PAK3: variants seen among roughly 807,000 people sequenced by gnomAD.
The protein encoded by PAK3 is serine/threonine-protein kinase PAK 3.
A neutral mutation model predicts 41.0 loss-of-function variants in PAK3; 4 were observed. The ratio of observed to expected loss-of-function variants is 0.10; its 90% CI spans 0.05 to 0.22. The LOEUF is 0.22. PAK3 is among the 10% of genes least tolerant of loss of function. The pLI, the probability that PAK3 is intolerant of heterozygous loss-of-function variation, is 1.00. For synonymous variants in PAK3, 146 were observed against 139.6 expected (o/e 1.05, Z -0.32); for missense variants, 205 against 409.9 (o/e 0.50, Z 4.32).
intron 1 of PAK3, among the ~76,000 whole-genome samples, chrX:111,064,471 C>T (rs1235384438): frequency 1.9e-5 from 2 of 103,130 alleles, no homozygotes; most frequent in Non-Finnish European, 4.0e-5. Context: ...CTAGTAGTCC[C>T]TAGTGTCTAT....
chrX:111,155,155 G>A (rs1291718723), intron 8 of PAK3, among the ~76,000 whole-genome samples: 2 of 111,240 alleles, frequency 1.8e-5, no homozygotes. Context: ...TAGGAAGTTT[G>A]GATATCAGGC....
chrX:111,117,280 G>T lies in PAK3; in HGVS notation c.-27-5797G>T, dbSNP rs186159167. On this transcript the variant is annotated intron_variant, in intron 4 of 17. Coordinates refer to ENST00000372007, the MANE Select transcript of PAK3 (RefSeq NM_002578.5). ...TGTATATATGAAGAGTGTGTTTGTGGGTTTACTTGGATATGCGTTGTATTG... is the reference window on the plus strand; with the variant it reads ...TGTATATATGAAGAGTGTGTTTGTGTGTTTACTTGGATATGCGTTGTATTG... Among the ~76,000 whole-genome samples the T allele has an allele frequency of 1.6e-3, 175 of 111,864 alleles. 1 individual carries two copies. The highest frequency in any genetic ancestry group is 2.6e-3 in the Non-Finnish European group (139 of 53,120).
chrX:111,150,590 G>C (rs1055156585), intron 7 of PAK3, among the ~76,000 whole-genome samples: 13 of 111,420 alleles, frequency 1.2e-4, no homozygotes, highest in African/African-American at 4.2e-4. Context: ...AAAAACCCAT[G>C]ATAAACCCAT....
intron 16 of PAK3, among the ~76,000 whole-genome samples, chrX:111,202,879 TTC>T (rs1276602898): frequency 8.9e-6 from 1 of 112,256 alleles, no homozygotes; most frequent in Non-Finnish European, 1.9e-5. Context: ...ATTTTAAGTG[TTC>T]TCTTTCTACC....
At chrX:111,039,195 T>C (rs761354716) in intron 1 of PAK3, among the ~76,000 whole-genome samples, 87 of 112,544 alleles carry the variant, frequency 7.7e-4, no homozygotes, top group South Asian at 3.7e-3. Flanking sequence ...CTGCCACCCT[T>C]CCCTTGCTCA....
intron 1 of PAK3, among the ~76,000 whole-genome samples, chrX:111,085,528 A>G (rs923568846): frequency 2.4e-4 from 27 of 112,425 alleles, no homozygotes; most frequent in Non-Finnish European, 4.7e-4. Context: ...GTATGAATGC[A>G]GAAGTCTGCC....
At chrX:111,121,235 A>G (rs1452608504) in intron 4 of PAK3, among the ~76,000 whole-genome samples, 3 of 111,604 alleles carry the variant, frequency 2.7e-5, no homozygotes, top group Non-Finnish European at 5.7e-5. Flanking sequence ...TAGTATTTTC[A>G]CTATCATTAT....
At position 111,192,101 on chromosome X, in the gene PAK3, T is replaced by G. The variant is rs772975864; in HGVS notation, c.831-26T>G. ...TATTGGTAACAGCTTGATTGCTTAT[T>G]CTTTTGATAATTTTCACCTTCACAG... On this transcript the variant is annotated intron_variant, in intron 11 of 17. Transcript: ENST00000372007. The G allele has an allele frequency of 1.1e-5, 11 of 962,938 alleles. No individual in the cohort carries two copies. In the Admixed American group the frequency reaches 2.2e-4, roughly 19 times the overall value. 79.4% of individuals were successfully genotyped at this position (962,938 alleles called of 1,213,427 possible). A position where few individuals can be genotyped will look rare whatever the true frequency, so the allele number is the denominator to read the frequency against.
intron 3 of PAK3, among the ~76,000 whole-genome samples, chrX:111,101,650 C>T (rs1221363857): frequency 8.9e-6 from 1 of 112,051 alleles, no homozygotes; most frequent in Non-Finnish European, 1.9e-5. Flanking sequence ...CCTGTGTCCT[C>T]CTTGAGCCCC....
chrX:111,198,139 T>C (rs1439301142), intron 16 of PAK3, among the ~76,000 whole-genome samples: 2 of 112,586 alleles, frequency 1.8e-5, no homozygotes, highest in African/African-American at 6.5e-5. Context: ...TTTTCAGAAG[T>C]GTCTGTTCAC....
chrX:110,955,920 G>T (rs5985313), intron 1 of PAK3, among the ~76,000 whole-genome samples: 1,219 of 111,983 alleles, frequency 0.011, 20 homozygotes, highest in African/African-American at 0.038. Context: ...AGAGGGTAGG[G>T]TAAAGGTTAA....
chrX:110,992,912 C>T (rs959255949), intron 1 of PAK3, among the ~76,000 whole-genome samples: 1 of 111,724 alleles, frequency 9.0e-6, no homozygotes, highest in South Asian at 3.8e-4. Context: ...TATATATCCC[C>T]CAACGTTTCT....
At chrX:110,972,063 TACACACATATATATACACAC>T (rs1346388054) in intron 1 of PAK3, among the ~76,000 whole-genome samples, 1 of 111,589 alleles carries the variant, frequency 9.0e-6, no homozygotes, top group East Asian at 2.8e-4. Context: ...TGTGTATATA[TACACACATATATATACACAC>T]ACACACATAT....
intron 17 of PAK3, chrX:111,217,171 A>G (rs1180399823): frequency 3.2e-6 from 1 of 314,979 alleles, no homozygotes; most frequent in Non-Finnish European, 4.2e-6. Flanking sequence ...AGGCATTATT[A>G]TCCCATTTTA....
chrX:111,122,398 G>T (rs151131410), intron 4 of PAK3, among the ~76,000 whole-genome samples: 1,455 of 110,064 alleles, frequency 0.013, 20 homozygotes, highest in African/African-American at 0.045. Context: ...AGGGAGTAAG[G>T]TTATGGTGTC....
chrX:111,160,470 TTTA>T (rs1264358022), intron 8 of PAK3, among the ~76,000 whole-genome samples: 1 of 108,217 alleles, frequency 9.2e-6, no homozygotes, highest in Non-Finnish European at 1.9e-5. Context: ...TATTTTATTT[TTTA>T]TTATTATTAT....
At chrX:111,067,943 T>C (rs2092713197) in intron 1 of PAK3, among the ~76,000 whole-genome samples, 1 of 111,651 alleles carries the variant, frequency 9.0e-6, no homozygotes, top group Non-Finnish European at 1.9e-5. Flanking sequence ...GAATTACCCA[T>C]AAAATGTTTA....
intron 1 of PAK3, among the ~76,000 whole-genome samples, chrX:110,970,130 A>G (rs953670003): frequency 1.8e-5 from 2 of 112,268 alleles, no homozygotes; most frequent in Non-Finnish European, 3.8e-5. Context: ...TTACTAGCAT[A>G]TAGAAATACA....
chrX:111,052,407 T>G (rs777020328), intron 1 of PAK3, among the ~76,000 whole-genome samples: 1 of 112,607 alleles, frequency 8.9e-6, no homozygotes, highest in East Asian at 2.8e-4. Flanking sequence ...TAGTCAAAAT[T>G]TCATCCTTTA....
Sources: gnomAD v4.1 joint callset for allele counts (sites outside exome capture counted in the v4.1 genomes callset) on GRCh38, gnomAD v4.1.1 for gene constraint, MANE v1.5 for transcripts, NCBI Gene and HGNC (gene_info 2026-07-23, HGNC 2026-07-21) for gene names.